Variants in PDZD2 observed in about 807,000 individuals in gnomAD.
PDZD2 encodes the protein PDZ domain-containing protein 2.
In PDZD2, 90 loss-of-function variants were observed where a neutral mutation model predicts 220.7. The observed-to-expected ratio is 0.41, with a 90% confidence interval of 0.34 to 0.49. The LOEUF (loss-of-function observed/expected upper bound fraction) is 0.49. PDZD2 is among the 20% of genes least tolerant of loss of function. The probability of loss-of-function intolerance (pLI) is 0.28; values close to 1 mark genes in which losing one functional copy is unlikely to be tolerated. For missense variants in PDZD2, 3,174 were observed against 3,608.5 expected (o/e 0.88, Z 3.08); for synonymous variants, 1,375 against 1,450.5 (o/e 0.95, Z 1.18).
chr5:31,908,099 AAAAAAAAAAG>A (rs1742832689), intron 2 of PDZD2, among the ~76,000 whole-genome samples: 1 of 142,958 alleles, frequency 7.0e-6, no homozygotes, highest in African/African-American at 2.5e-5. Context: ...AAAAAAAAAA[AAAAAAAAAAG>A]AAAGAAAAGG....
rs1581210805 is a variant in PDZD2, at chr5:31,983,004, G to A, written c.477-151G>A. On this transcript the variant is annotated intron_variant, in intron 2 of 24. Coordinates refer to ENST00000438447, the MANE Select transcript of PDZD2 (RefSeq NM_178140.4). ...CAATTATTACATAGATGAAAAGAATGAATTGGGTGTTGAATCTCTTTAGGA... is the reference window on the plus strand; with the variant it reads ...CAATTATTACATAGATGAAAAGAATAAATTGGGTGTTGAATCTCTTTAGGA... 1.0e-5 allele frequency: 7 copies of A among 683,046 alleles called. No individual in the cohort carries two copies. The South Asian group carries it at 1.0e-4, about 10-fold the overall frequency. The allele number at this position is 683,046 out of a possible 1,614,324, so 42.3% of individuals were successfully genotyped here.
intron 2 of PDZD2, chr5:31,936,341 A>G: frequency 1.0e-6 from 1 of 987,288 alleles, no homozygotes; most frequent in Non-Finnish European, 1.2e-6. Flanking sequence ...CCAGCTCATA[A>G]AGCAGGTAGG....
chr5:32,030,874 A>T (rs552658910), intron 6 of PDZD2, among the ~76,000 whole-genome samples: 56 of 152,014 alleles, frequency 3.7e-4, no homozygotes, highest in Middle Eastern at 3.4e-3. Context: ...CATTTCATGC[A>T]TTTCTCGGCC....
At chr5:31,928,696 G>T (rs1745004449) in intron 2 of PDZD2, among the ~76,000 whole-genome samples, 1 of 152,112 alleles carries the variant, frequency 6.6e-6, no homozygotes, top group Non-Finnish European at 1.5e-5. Context: ...AGCTGGTCTT[G>T]AACTCCTGAC....
chr5:32,050,210 C>T (rs953072690), intron 8 of PDZD2, among the ~76,000 whole-genome samples: 2 of 152,128 alleles, frequency 1.3e-5, no homozygotes, highest in African/African-American at 2.4e-5. Context: ...GGATTACAGG[C>T]GTGAGCCACC....
chr5:31,967,244 C>T (rs1005152763), intron 2 of PDZD2, among the ~76,000 whole-genome samples: 1 of 152,096 alleles, frequency 6.6e-6, no homozygotes. Flanking sequence ...ACAGACATGC[C>T]GTCAATGTTT....
At position 32,022,185 on chromosome 5, in the gene PDZD2, G is replaced by GTTT. The variant is rs145876120; in HGVS notation, c.1407+11708_1407+11710dup. On this transcript the variant is annotated intron_variant, in intron 6 of 24. Coordinates refer to ENST00000438447, the MANE Select transcript of PDZD2 (RefSeq NM_178140.4). ...TCTTCTTTTTTCGTTTTGTTTTTTT[G>GTTT]TTTTTTTGTTTTTTGTTTTTTTTTG... 1.1e-3 allele frequency among the ~76,000 whole-genome samples: 153 copies of GTTT among 135,580 alleles called. 1 individual carries two copies. Among genetic ancestry groups the GTTT allele is most frequent in the Non-Finnish European group, 1.8e-3 (114 of 64,098 alleles). 88.9% of individuals were successfully genotyped at this position (135,580 alleles called of 152,430 possible). A position where few individuals can be genotyped will look rare whatever the true frequency, so the allele number is the denominator to read the frequency against.
chr5:32,008,644 G>A (rs1753044806), intron 5 of PDZD2, among the ~76,000 whole-genome samples: 1 of 152,192 alleles, frequency 6.6e-6, no homozygotes, highest in African/African-American at 2.4e-5. Flanking sequence ...CAGGAAGGAG[G>A]AGATCATGGA....
chr5:31,664,658 G>A (rs1442654250), intron 1 of PDZD2, among the ~76,000 whole-genome samples: 1 of 152,158 alleles, frequency 6.6e-6, no homozygotes, highest in Non-Finnish European at 1.5e-5. Context: ...CCCCAGCATG[G>A]GTGTCATACA....
At chr5:31,661,785 G>GTTTTTTTTTTTTTTT (rs5867089) in intron 1 of PDZD2, among the ~76,000 whole-genome samples, 4 of 141,806 alleles carry the variant, frequency 2.8e-5, no homozygotes, top group Non-Finnish European at 4.5e-5. Context: ...TCCTCCCTTG[G>GTTTTTTTTTTTTTTT]TTTTTTTTTT....
intron 2 of PDZD2, among the ~76,000 whole-genome samples, chr5:31,877,409 G>T (rs1472703281): frequency 6.6e-6 from 1 of 151,904 alleles, no homozygotes; most frequent in African/African-American, 2.4e-5. Flanking sequence ...GGTAGAGATG[G>T]GATCTTGCTG....
At chr5:31,752,503 C>G (rs534890851) in intron 1 of PDZD2, among the ~76,000 whole-genome samples, 1 of 152,036 alleles carries the variant, frequency 6.6e-6, no homozygotes, top group Non-Finnish European at 1.5e-5. Context: ...GAGCTGAGAT[C>G]GTGCCACTGC....
At chr5:32,054,087 T>A (rs1297113802) in intron 10 of PDZD2, among the ~76,000 whole-genome samples, 2 of 152,148 alleles carry the variant, frequency 1.3e-5, no homozygotes, top group Non-Finnish European at 2.9e-5. Flanking sequence ...TTGTCAGGAT[T>A]ACATGAGATA....
chr5:31,662,129 G>A (rs1745792345), intron 1 of PDZD2, among the ~76,000 whole-genome samples: 1 of 152,072 alleles, frequency 6.6e-6, no homozygotes, highest in Admixed American at 6.6e-5. Flanking sequence ...TGGCCAACAT[G>A]GTGAAACCCC....
chr5:31,802,695 C>T (rs1451507220), intron 2 of PDZD2, among the ~76,000 whole-genome samples: 4 of 151,992 alleles, frequency 2.6e-5, no homozygotes, highest in African/African-American at 9.7e-5. Context: ...CCGAGGCGGG[C>T]AGATCACAAG....
chr5:32,036,720 G>A (rs1351362136), intron 6 of PDZD2, among the ~76,000 whole-genome samples: 1 of 152,216 alleles, frequency 6.6e-6, no homozygotes, highest in Admixed American at 6.5e-5. Context: ...TGACTAAAAT[G>A]TATAGCTGCC....
chr5:31,716,617 A>C (rs1490627179), intron 1 of PDZD2, among the ~76,000 whole-genome samples: 1 of 152,192 alleles, frequency 6.6e-6, no homozygotes, highest in East Asian at 1.9e-4. Flanking sequence ...AGCCTGGCCA[A>C]CATGGTGAAA....
At chr5:32,021,290 A>G (rs1030712696) in intron 6 of PDZD2, among the ~76,000 whole-genome samples, 2 of 151,592 alleles carry the variant, frequency 1.3e-5, no homozygotes, top group African/African-American at 4.9e-5. Context: ...TTTTTGAGAC[A>G]GCCTCGCTCT....
chr5:32,016,232 T>A (rs1458987589), intron 6 of PDZD2, among the ~76,000 whole-genome samples: 1 of 152,194 alleles, frequency 6.6e-6, no homozygotes, highest in Non-Finnish European at 1.5e-5. Context: ...CCTCTTGTGT[T>A]TTATTTGGAC....
Sources: allele counts gnomAD v4.1 joint callset (sites outside exome capture counted in the v4.1 genomes callset), GRCh38; gene constraint gnomAD v4.1.1; transcripts MANE v1.5; gene names NCBI Gene and HGNC (gene_info 2026-07-23, HGNC 2026-07-21).